MEX3D: variants seen among roughly 807,000 people sequenced by gnomAD.
MEX3D encodes mex-3 RNA binding family member D.
In MEX3D, 4 loss-of-function variants were observed where a neutral mutation model predicts 6.3. That is an observed-to-expected ratio of 0.64 (90% CI 0.31 to 1.46). The LOEUF (loss-of-function observed/expected upper bound fraction) is 1.46, where lower values mean the gene tolerates loss of function less well. MEX3D is among the 40% of genes most tolerant of loss of function. MEX3D has a pLI of 0.07. For missense variants in MEX3D, 1,038 were observed against 994.4 expected (o/e 1.04, Z -0.59); for synonymous variants, 626 against 494.1 (o/e 1.27, Z -3.54).
chr19:1,560,968 TG>T (rs1914703014), intron 1 of MEX3D, among the ~76,000 whole-genome samples: 1 of 152,148 alleles, frequency 6.6e-6, no homozygotes, highest in Non-Finnish European at 1.5e-5. Flanking sequence ...GGGCGGGCTC[TG>T]GGGGACACCG....
In MEX3D at chr19:1,556,909, C is replaced by A; in HGVS notation, c.610G>T (p.Ala204Ser). The A allele has an allele frequency of 6.2e-7, 1 of 1,605,870 alleles. No individual in the cohort carries two copies. The highest frequency in any genetic ancestry group is 8.5e-7 in the Non-Finnish European group (1 of 1,177,302). ...IVGRQGCKIK[A>S]LRAKTNTYIK... ...TAGGTGTTTGTCTTGGCCCGCAGGG[C>A]CTTGATCTTGCAGCCTGTCCGGGAG... The change falls in exon 2 of 2, where the codon GCC (alanine) becomes TCC (serine). Residue 204 changes from alanine to serine, a missense_variant. By Grantham distance (99) the Ala-to-Ser change is moderately conservative. Coordinates refer to ENST00000402693, the MANE Select transcript of MEX3D (RefSeq NM_203304.4). The surrounding 1 kb of genome is among the most constrained non-coding windows in gnomAD (Gnocchi z 7.5).
At chr19:1,559,603 G>C (rs767880282) in intron 1 of MEX3D, among the ~76,000 whole-genome samples, 1 of 152,192 alleles carries the variant, frequency 6.6e-6, no homozygotes, top group Non-Finnish European at 1.5e-5. Context: ...CAACCCCTCA[G>C]GCTCTGGGGA....
In MEX3D at chr19:1,555,379, CGTCTCCACGCCTGAGGCGGCA is replaced by C. The variant is rs1914492406; in HGVS notation, c.*163_*183del. On this transcript the variant is annotated 3_prime_UTR_variant, in exon 2 of 2. Transcript: ENST00000402693. ...AGGCGCCGCCGGGCTGCGGGGTCTC[CGTCTCCACGCCTGAGGCGGCA>C]GTTAAAGCTCATCTGTAAACACTGG... 3 of 1,600,420 alleles carry C rather than the reference CGTCTCCACGCCTGAGGCGGCA, an allele frequency of 1.9e-6. No individual in the cohort carries two copies. The East Asian group carries it at 6.9e-5, about 37-fold the overall frequency.
rs867356041 is a variant in MEX3D at position 1,556,801 on chromosome 19, T to G, written c.718A>C (p.Ile240Leu). 6.2e-7 allele frequency: 1 copy of G among 1,612,458 alleles called. No homozygotes were observed. The highest frequency in any genetic ancestry group is 8.5e-7 in the Non-Finnish European group (1 of 1,179,798). Residue 240 changes from isoleucine to leucine, a missense_variant, in exon 2 of 2, where the codon ATC (isoleucine) becomes CTC (leucine). Around this residue, in one of 5 missense-constraint regions of MEX3D, gnomAD observed 75 missense variants for 125.1 expected, o/e 0.60. Transcript: ENST00000402693. This position sits in a 1 kb window ranked among gnomAD's most constrained non-coding sequence, Gnocchi z 7.5. ...KEDVEMAKRE[I>L]LSAAEHFSII... Reference sequence around the variant, plus strand: ...GAGAAGTGTTCGGCCGCCGACAGGATCTCACGCTTGGCCATCTCCACGTCC... The same window carrying G: ...GAGAAGTGTTCGGCCGCCGACAGGAGCTCACGCTTGGCCATCTCCACGTCC...
rs1480658928 is a variant in MEX3D, at chr19:1,556,853, C to T, written c.666G>A (p.Pro222=). Residue 222 remains proline, a synonymous_variant, in exon 2 of 2, where the codon CCG becomes CCA. Coordinates refer to ENST00000402693, the MANE Select transcript of MEX3D (RefSeq NM_203304.4). This position sits in a 1 kb window ranked among gnomAD's most constrained non-coding sequence, Gnocchi z 7.5. ...YIKTPVRGEE[P]VFIVTGRKED... is the part of the protein sequence containing the mutation. ...CCTTCCGGCCGGTCACGATGAAGAC[C>T]GGCTCCTCGCCCCGCACTGGGGTCT... is the stretch of plus-strand genomic sequence containing the variant. 5 of 1,612,576 alleles carry T rather than the reference C, an allele frequency of 3.1e-6. No individual in the cohort carries two copies. The highest frequency in any genetic ancestry group is 1.7e-5 in the Admixed American group (1 of 60,028).
Position 1,568,271 on chromosome 19 carries a change from TCGGCGG to T in MEX3D, c.-219_-214del, listed in dbSNP as rs944783200. 6.1e-5 allele frequency among the ~76,000 whole-genome samples: 8 copies of T among 130,886 alleles called. No homozygotes were observed. Among genetic ancestry groups the T allele is most frequent in the Admixed American group, 4.4e-4 (6 of 13,532 alleles). The allele number at this position is 130,886 out of a possible 152,430, so 85.9% of individuals were successfully genotyped here. A position where few individuals can be genotyped will look rare whatever the true frequency, so the allele number is the denominator to read the frequency against. On this transcript the variant is annotated 5_prime_UTR_variant, in exon 1 of 2. Transcript: ENST00000402693. ...CGGCGGCAGCGACTCTGGCTGCGGC[TCGGCGG>T]CGGCGGCGACGGCGGCGGCGGCTCC... is the stretch of plus-strand genomic sequence containing the variant.
chr19:1,567,090 T>A lies in MEX3D; in HGVS notation c.595+374A>T, dbSNP rs1367962206. Among the ~76,000 whole-genome samples the A allele has an allele frequency of 1.2e-4, 19 of 152,038 alleles. No homozygotes were observed. Among genetic ancestry groups the A allele is most frequent in the Non-Finnish European group, 2.5e-4 (17 of 67,918 alleles). On this transcript the variant is annotated intron_variant, in intron 1 of 1. Transcript: ENST00000402693. The surrounding 1 kb of genome is among the most constrained non-coding windows in gnomAD (Gnocchi z 6.5). Reference sequence around the variant, plus strand: ...CCTGCGCTTGCCCCGCCCCGCCGCCTGTGCTGGGTGTGGGGCGCCCCCCGC... The same window carrying A: ...CCTGCGCTTGCCCCGCCCCGCCGCCAGTGCTGGGTGTGGGGCGCCCCCCGC...
At chr19:1,566,126 G>A (rs746524793) in intron 1 of MEX3D, among the ~76,000 whole-genome samples, 1 of 152,306 alleles carries the variant, frequency 6.6e-6, no homozygotes, top group East Asian at 1.9e-4. Context: ...GGCCTCAATG[G>A]GGAGGCAGTA....
Position 1,555,997 on chromosome 19 carries a change from C to A in MEX3D, c.1522G>T (p.Ala508Ser). 8.3e-7 allele frequency: 1 copy of A among 1,206,578 alleles called. No individual in the cohort carries two copies. Among genetic ancestry groups the A allele is most frequent in the Non-Finnish European group, 1.0e-6 (1 of 968,082 alleles). The allele number at this position is 1,206,578 out of a possible 1,614,324, so 74.7% of individuals were successfully genotyped here. A position where few individuals can be genotyped will look rare whatever the true frequency, so the allele number is the denominator to read the frequency against. Reference protein sequence around the residue: ...PAAGARRSSGAGTPRHSPTLP... With the variant: ...PAAGARRSSGSGTPRHSPTLP... ...GTGGGCGAGTGGCGGGGGGTCCCGGCCCCACTGCTGCGCCGGGCGCCGGCG... is the reference window on the plus strand; with the variant it reads ...GTGGGCGAGTGGCGGGGGGTCCCGGACCCACTGCTGCGCCGGGCGCCGGCG... The change falls in exon 2 of 2, where the codon GCC (alanine) becomes TCC (serine). Residue 508 changes from alanine to serine, a missense_variant. This residue lies in a region of MEX3D where 581 missense variants were observed against 516.2 expected (regional missense o/e 1.13). Coordinates refer to ENST00000402693, the MANE Select transcript of MEX3D (RefSeq NM_203304.4).
chr19:1,557,231 C>T (rs1423402130), intron 1 of MEX3D, among the ~76,000 whole-genome samples: 4 of 152,174 alleles, frequency 2.6e-5, no homozygotes, highest in Non-Finnish European at 4.4e-5. Context: ...CCCAAGTTCA[C>T]AAGCTGGACC....
chr19:1,556,775 G>T lies in MEX3D; in HGVS notation c.744C>A (p.Ser248=), dbSNP rs139101920. 1.2e-6 allele frequency: 2 copies of T among 1,612,424 alleles called. No individual in the cohort carries two copies. The highest frequency in any genetic ancestry group is 2.7e-5 in the African/African-American group (2 of 74,934). The change falls in exon 2 of 2, where the codon TCC becomes TCA. Residue 248 remains serine (S), a synonymous_variant. Coordinates refer to ENST00000402693, the MANE Select transcript of MEX3D (RefSeq NM_203304.4). This position sits in a 1 kb window ranked among gnomAD's most constrained non-coding sequence, Gnocchi z 7.5. ...CCTTGCTGCGCGTGGCGCGGATGATGGAGAAGTGTTCGGCCGCCGACAGGA... is the reference window on the plus strand; with the variant it reads ...CCTTGCTGCGCGTGGCGCGGATGATTGAGAAGTGTTCGGCCGCCGACAGGA... ...REILSAAEHF[S]IIRATRSKAG...
Position 1,567,414 on chromosome 19 carries a change from G to T in MEX3D, c.595+50C>A, listed in dbSNP as rs1914869679. On this transcript the variant is annotated intron_variant, in intron 1 of 1. Transcript: ENST00000402693. The surrounding 1 kb of genome is among the most constrained non-coding windows in gnomAD (Gnocchi z 6.5). ...CTCGGGCGACCCCCTTCCCCGGGGCGGACGGTGCGGGGACCCCCAGGACAG... is the reference window on the plus strand; with the variant it reads ...CTCGGGCGACCCCCTTCCCCGGGGCTGACGGTGCGGGGACCCCCAGGACAG... 1 of 1,507,082 alleles carries T rather than the reference G, an allele frequency of 6.6e-7. No homozygotes were observed. Among genetic ancestry groups the T allele is most frequent in the African/African-American group, 1.4e-5 (1 of 69,206 alleles). The allele number at this position is 1,507,082 out of a possible 1,614,324, so 93.4% of individuals were successfully genotyped here.
At position 1,568,011 on chromosome 19, in the gene MEX3D, G is replaced by GCCGCCC. The variant is rs971230173; in HGVS notation, c.42_47dup (p.Gly19_Gly20dup). ...CCGCCGCCCCCACGCCGCCGCCGCC[G>GCCGCCC]CCGCCCCCGCCCCCGCCGCCGTCGG... On this transcript the variant is annotated inframe_insertion, in exon 1 of 2. Transcript: ENST00000402693. 5,102 of 976,602 alleles carry GCCGCCC rather than the reference G, an allele frequency of 5.2e-3. 29 individuals carry two copies. Among genetic ancestry groups the GCCGCCC allele is most frequent in the South Asian group, 0.015 (331 of 21,820 alleles). The allele number at this position is 976,602 out of a possible 1,614,324, so 60.5% of individuals were successfully genotyped here.
chr19:1,567,346 G>A lies in MEX3D; in HGVS notation c.595+118C>T. On this transcript the variant is annotated intron_variant, in intron 1 of 1. Coordinates refer to ENST00000402693, the MANE Select transcript of MEX3D (RefSeq NM_203304.4). The surrounding 1 kb of genome is among the most constrained non-coding windows in gnomAD (Gnocchi z 6.5). ...CAGCGGCCGAGGCCGGAGCCCACGC[G>A]GGGCGTGTCCGGTGCGGGGCGTCCG... 2 of 1,177,458 alleles carry A rather than the reference G, an allele frequency of 1.7e-6. No homozygotes were observed. Among genetic ancestry groups the A allele is most frequent in the Non-Finnish European group, 2.2e-6 (2 of 911,350 alleles). The allele number at this position is 1,177,458 out of a possible 1,614,324, so 72.9% of individuals were successfully genotyped here.
In MEX3D at chr19:1,555,863, G is replaced by A. The variant is rs1000089885; in HGVS notation, c.1656C>T (p.Phe552=). 29 of 1,329,286 alleles carry A rather than the reference G, an allele frequency of 2.2e-5. No homozygotes were observed. In the Admixed American group the frequency reaches 6.7e-4, roughly 31 times the overall value. The allele number at this position is 1,329,286 out of a possible 1,614,324, so 82.3% of individuals were successfully genotyped here. A position where few individuals can be genotyped will look rare whatever the true frequency, so the allele number is the denominator to read the frequency against. ...SWRPPQGPVS[F]PGGAAFSTAT... ...CCGTGGAGAAGGCGGCGCCGCCTGG[G>A]AAGGATACGGGGCCCTGCGGGGGTC... The change falls in exon 2 of 2, where the codon TTC becomes TTT. Residue 552 remains phenylalanine, a synonymous_variant. Coordinates refer to ENST00000402693, the MANE Select transcript of MEX3D (RefSeq NM_203304.4).
Position 1,556,007 on chromosome 19 carries a change from G to A in MEX3D, c.1512C>T (p.Arg504=). 1 of 1,229,398 alleles carries A rather than the reference G, an allele frequency of 8.1e-7. No individual in the cohort carries two copies. The highest frequency in any genetic ancestry group is 1.0e-6 in the Non-Finnish European group (1 of 981,312). The allele number at this position is 1,229,398 out of a possible 1,614,324, so 76.2% of individuals were successfully genotyped here. ...APGPPAAGAR[R]SSGAGTPRHS... ...GGCGGGGGGTCCCGGCCCCACTGCT[G>A]CGCCGGGCGCCGGCGGCGGGAGGTC... Residue 504 remains arginine, a synonymous_variant, in exon 2 of 2, where the codon CGC becomes CGT. Transcript: ENST00000402693. This position sits in a 1 kb window ranked among gnomAD's most constrained non-coding sequence, Gnocchi z 7.5.
At chr19:1,562,334 G>GGGATTAAA (rs1914740482) in intron 1 of MEX3D, among the ~76,000 whole-genome samples, 1 of 148,446 alleles carries the variant, frequency 6.7e-6, no homozygotes, top group African/African-American at 2.5e-5. Flanking sequence ...AGACCAGACT[G>GGGATTAAA]ACCAACATGG....
intron 1 of MEX3D, among the ~76,000 whole-genome samples, chr19:1,562,410 A>C (rs1442957573): frequency 6.6e-6 from 1 of 151,652 alleles, no homozygotes. Flanking sequence ...CTGTAATCCC[A>C]GTTACTCGGG....
chr19:1,566,639 G>A (rs1914847747), intron 1 of MEX3D, among the ~76,000 whole-genome samples: 2 of 152,084 alleles, frequency 1.3e-5, no homozygotes, highest in Non-Finnish European at 2.9e-5. Context: ...GTGGCTAACG[G>A]GGTGGTGGGT....
Sources: allele counts gnomAD v4.1 joint callset (sites outside exome capture counted in the v4.1 genomes callset), GRCh38; gene constraint gnomAD v4.1.1; regional missense constraint gnomAD v4.1.1; non-coding constraint Gnocchi (gnomAD v3.1); transcripts MANE v1.5; gene names NCBI Gene and HGNC (gene_info 2026-07-23, HGNC 2026-07-21).